Variants in MMP24 observed in about 807,000 individuals in gnomAD.
MMP24 encodes the protein matrix metallopeptidase 24, also known as matrix metalloproteinase-24.
MMP24 carries 25 observed loss-of-function variants against 62.8 expected under a neutral mutation model. The ratio of observed to expected loss-of-function variants is 0.40; its 90% CI spans 0.29 to 0.56. The LOEUF is 0.56. MMP24 is among the 20% of genes least tolerant of loss of function. MMP24 has a pLI of 0.50. For missense variants in MMP24, 634 were observed against 853.6 expected (o/e 0.74, Z 3.21); for synonymous variants, 319 against 350.5 (o/e 0.91, Z 1.00).
intron 1 of MMP24, among the ~76,000 whole-genome samples, chr20:35,244,440 T>A (rs1363843836): frequency 6.6e-6 from 1 of 152,142 alleles, no homozygotes; most frequent in Non-Finnish European, 1.5e-5. Flanking sequence ...GTGGGAATAA[T>A]TTTTTTGTTT....
At chr20:35,260,787 G>A (rs753225688) in intron 4 of MMP24, among the ~76,000 whole-genome samples, 7 of 152,212 alleles carry the variant, frequency 4.6e-5, no homozygotes, top group East Asian at 1.9e-4. Flanking sequence ...AGACACTGGC[G>A]GTGTCAGTAG....
Position 35,274,402 on chromosome 20 carries a change from G to A in MMP24, c.1731G>A (p.Arg577=). The A allele has an allele frequency of 1.2e-6, 2 of 1,613,940 alleles. No individual in the cohort carries two copies. The highest frequency in any genetic ancestry group is 1.1e-5 in the South Asian group (1 of 91,088). Residue 577 remains arginine, a synonymous_variant, in exon 9 of 9, where the codon CGG becomes CGA. Coordinates refer to ENST00000246186, the MANE Select transcript of MMP24 (RefSeq NM_006690.4). The surrounding 1 kb of genome is among the most constrained non-coding windows in gnomAD (Gnocchi z 5.1). ...MGCNQKEVER[R]KERRLPQDDV... is the part of the protein sequence containing the mutation. Reference sequence around the variant, plus strand: ...GCAACCAGAAGGAGGTGGAGCGGCGGAAGGAGCGGCGGCTGCCCCAGGACG... The same window carrying A: ...GCAACCAGAAGGAGGTGGAGCGGCGAAAGGAGCGGCGGCTGCCCCAGGACG...
At chr20:35,251,025 A>C (rs959795653) in intron 2 of MMP24, among the ~76,000 whole-genome samples, 1 of 152,232 alleles carries the variant, frequency 6.6e-6, no homozygotes, top group Non-Finnish European at 1.5e-5. Flanking sequence ...CATTTATTAG[A>C]GGAAATAAAC....
intron 4 of MMP24, among the ~76,000 whole-genome samples, chr20:35,259,548 A>C (rs1357247384): frequency 2.0e-5 from 3 of 152,172 alleles, no homozygotes; most frequent in Non-Finnish European, 4.4e-5. Flanking sequence ...AAGTCATGGA[A>C]GGCTTCCTGG....
Position 35,276,590 on chromosome 20 carries a change from T to G in MMP24, c.*1981T>G. On this transcript the variant is annotated 3_prime_UTR_variant, in exon 9 of 9. Transcript: ENST00000246186. ...TGTATCCACCTCTTCCTGGCCTCCC[T>G]TCCCCCACTTCCTGGTCCCTGTCCA... 3.7e-6 allele frequency: 1 copy of G among 273,048 alleles called. No individual in the cohort carries two copies. Among genetic ancestry groups the G allele is most frequent in the Non-Finnish European group, 6.9e-6 (1 of 145,928 alleles). The allele number at this position is 273,048 out of a possible 1,614,324, so 16.9% of individuals were successfully genotyped here. A position where few individuals can be genotyped will look rare whatever the true frequency, so the allele number is the denominator to read the frequency against.
chr20:35,233,564 A>T (rs1250704411), intron 1 of MMP24, among the ~76,000 whole-genome samples: 1 of 152,206 alleles, frequency 6.6e-6, no homozygotes, highest in Non-Finnish European at 1.5e-5. Flanking sequence ...AATAAAAAAA[A>T]TTAAAAACAA....
In MMP24 at chr20:35,233,189, T is replaced by C. The variant is rs546422608; in HGVS notation, c.246+6205T>C. Among the ~76,000 whole-genome samples, 29 of 152,246 alleles carry C rather than the reference T, an allele frequency of 1.9e-4. No homozygotes were observed. In the South Asian group the frequency reaches 4.4e-3, roughly 23 times the overall value. ...ATACATATGTATGTATAAAGATCAT[T>C]TGAGGCCAGGAGTTCGAGACCAGCC... is the stretch of plus-strand genomic sequence containing the variant. On this transcript the variant is annotated intron_variant, in intron 1 of 8. Transcript: ENST00000246186.
rs1156323326 is a variant in MMP24, at chr20:35,276,600, T to C, written c.*1991T>C. On this transcript the variant is annotated 3_prime_UTR_variant, in exon 9 of 9. Transcript: ENST00000246186. ...TCTTCCTGGCCTCCCTTCCCCCACTTCCTGGTCCCTGTCCACTCCTCAGGT... is the reference window on the plus strand; with the variant it reads ...TCTTCCTGGCCTCCCTTCCCCCACTCCCTGGTCCCTGTCCACTCCTCAGGT... The C allele has an allele frequency of 7.6e-6, 2 of 262,774 alleles. No individual in the cohort carries two copies. The highest frequency in any genetic ancestry group is 1.4e-5 in the Non-Finnish European group (2 of 139,528). The allele number at this position is 262,774 out of a possible 1,614,324, so 16.3% of individuals were successfully genotyped here.
chr20:35,226,766 GCGCCGGGGC>G lies in MMP24; in HGVS notation c.34_42del (p.Gly12_Pro14del). ...GCCGAGGAGCCGGGGCGGCCGCGCC[GCGCCGGGGC>G]CGCCGCCGCCGCCGCCGCCGCCGGG... On this transcript the variant is annotated inframe_deletion, in exon 1 of 9. Coordinates refer to ENST00000246186, the MANE Select transcript of MMP24 (RefSeq NM_006690.4). The G allele has an allele frequency of 1.8e-6, 1 of 540,926 alleles. No individual in the cohort carries two copies. The highest frequency in any genetic ancestry group is 2.0e-6 in the Non-Finnish European group (1 of 496,584). 33.5% of individuals were successfully genotyped at this position (540,926 alleles called of 1,614,324 possible).
chr20:35,257,073 T>C (rs1195516270), intron 4 of MMP24, among the ~76,000 whole-genome samples: 1 of 152,084 alleles, frequency 6.6e-6, no homozygotes, highest in African/African-American at 2.4e-5. Context: ...GCTGGTTTGG[T>C]GTCTATAGTT....
Position 35,251,913 on chromosome 20 carries a change from A to C in MMP24, c.404A>C (p.Lys135Thr), listed in dbSNP as rs369070775. 2 of 1,613,756 alleles carry C rather than the reference A, an allele frequency of 1.2e-6. No individual in the cohort carries two copies. The highest frequency in any genetic ancestry group is 2.7e-5 in the African/African-American group (2 of 74,892). ...GTCCTCTCTCTGCCCAGGTGGATGA[A>C]GAAACCCCGATGTGGTGTCCCTGAT... ...VLDQTTIEWMKKPRCGVPDHP... is the reference protein window; with the variant it reads ...VLDQTTIEWMTKPRCGVPDHP... The change falls in exon 3 of 9, where the codon AAG (lysine) becomes ACG (threonine). Residue 135 changes from lysine to threonine, a missense_variant. This residue lies in a region of MMP24 where 212 missense variants were observed against 259.6 expected (regional missense o/e 0.82). Transcript: ENST00000246186.
chr20:35,267,777 C>A, intron 6 of MMP24: 1 of 307,710 alleles, frequency 3.2e-6, no homozygotes, highest in Admixed American at 4.9e-5. Flanking sequence ...CCAGTGAGTA[C>A]CCGGCTCTGA....
intron 2 of MMP24, among the ~76,000 whole-genome samples, chr20:35,249,565 T>A (rs1024566947): frequency 6.6e-6 from 1 of 152,180 alleles, no homozygotes; most frequent in Non-Finnish European, 1.5e-5. Flanking sequence ...ATTGTTTCCC[T>A]CATCTGTGAA....
chr20:35,228,296 A>G (rs2060423937), intron 1 of MMP24, among the ~76,000 whole-genome samples: 1 of 152,210 alleles, frequency 6.6e-6, no homozygotes, highest in African/African-American at 2.4e-5. Context: ...CAAAAAAGAT[A>G]TGGTGTGTAA....
chr20:35,250,080 G>A (rs1400507626), intron 2 of MMP24, among the ~76,000 whole-genome samples: 2 of 151,952 alleles, frequency 1.3e-5, no homozygotes, highest in African/African-American at 4.8e-5. Flanking sequence ...AGCCTCCCTA[G>A]TAGCTGGGAC....
Position 35,275,743 on chromosome 20 carries a change from C to T in MMP24, c.*1134C>T, listed in dbSNP as rs187518151. 4.5e-4 allele frequency: 149 copies of T among 333,366 alleles called. 1 individual carries two copies. The highest frequency in any genetic ancestry group is 6.5e-4 in the Non-Finnish European group (120 of 185,026). 20.7% of individuals were successfully genotyped at this position (333,366 alleles called of 1,614,324 possible). A position where few individuals can be genotyped will look rare whatever the true frequency, so the allele number is the denominator to read the frequency against. On this transcript the variant is annotated 3_prime_UTR_variant, in exon 9 of 9. Coordinates refer to ENST00000246186, the MANE Select transcript of MMP24 (RefSeq NM_006690.4). ...CCGACTCCAGCTACTCTGAGGCCGA[C>T]TCAATCTCTCGGCTGGAAGCAGTGT...
intron 1 of MMP24, among the ~76,000 whole-genome samples, chr20:35,235,553 C>T (rs1268472782): frequency 2.0e-5 from 3 of 152,084 alleles, no homozygotes; most frequent in African/African-American, 4.8e-5. Flanking sequence ...AAAGAATTAG[C>T]TGAGCGTGGT....
intron 5 of MMP24, among the ~76,000 whole-genome samples, chr20:35,266,436 C>T (rs6088785): frequency 6.6e-6 from 1 of 151,200 alleles, no homozygotes. Flanking sequence ...AAAGGTGATC[C>T]TAATATGCAG....
chr20:35,239,676 A>T (rs971869235), intron 1 of MMP24, among the ~76,000 whole-genome samples: 5 of 152,180 alleles, frequency 3.3e-5, no homozygotes, highest in Non-Finnish European at 7.3e-5. Flanking sequence ...AAAAAAGAAA[A>T]ATTAGCCAGG....
Sources: allele counts gnomAD v4.1 joint callset (sites outside exome capture counted in the v4.1 genomes callset), GRCh38; gene constraint gnomAD v4.1.1; regional missense constraint gnomAD v4.1.1; non-coding constraint Gnocchi (gnomAD v3.1); transcripts MANE v1.5; gene names NCBI Gene and HGNC (gene_info 2026-07-23, HGNC 2026-07-21).